The following SNX25 variants were observed in gnomAD, a reference collection of about 807,000 sequenced individuals.
SNX25 encodes sorting nexin 25.
SNX25 carries 62 observed loss-of-function variants against 113.7 expected under a neutral mutation model. The observed-to-expected ratio is 0.55, with a 90% confidence interval of 0.44 to 0.67. The LOEUF (loss-of-function observed/expected upper bound fraction) is 0.67. SNX25 is among the 30% of genes least tolerant of loss of function. The pLI is 0.00. For missense variants in SNX25, 1,014 were observed against 1,161.0 expected (o/e 0.87, Z 1.84); for synonymous variants, 421 against 436.2 (o/e 0.97, Z 0.43).
intron 1 of SNX25, among the ~76,000 whole-genome samples, chr4:185,211,469 C>CT (rs1020269759): frequency 6.6e-6 from 1 of 152,136 alleles, no homozygotes; most frequent in Non-Finnish European, 1.5e-5. Context: ...TGTCTCTCCT[C>CT]TTTTTTTCTA....
chr4:185,320,090 C>T (rs1579774053), intron 7 of SNX25, among the ~76,000 whole-genome samples: 2 of 152,260 alleles, frequency 1.3e-5, no homozygotes, highest in East Asian at 3.9e-4. Flanking sequence ...AATCTAAAAC[C>T]AGAAACACCA....
rs995963170 is a variant in SNX25 at position 185,335,003 on chromosome 4, T to C, written c.1914+2244T>C. ...TCCTTTTGTCGTTTACTTATGTTGGTAAAAAATTAATAATTTTTTTAAAAA... is the reference window on the plus strand; with the variant it reads ...TCCTTTTGTCGTTTACTTATGTTGGCAAAAAATTAATAATTTTTTTAAAAA... On this transcript the variant is annotated intron_variant, in intron 10 of 18. Coordinates refer to ENST00000652585, the MANE Select transcript of SNX25 (RefSeq NM_001378034.2). 9.9e-5 allele frequency among the ~76,000 whole-genome samples: 15 copies of C among 152,246 alleles called. No individual in the cohort carries two copies. In the East Asian group the frequency reaches 2.9e-3, roughly 29 times the overall value.
chr4:185,264,440 A>C lies in SNX25; in HGVS notation c.734A>C (p.His245Pro). ...FCDLKAANAR[H>P]EEQPRPFVLH... Reference sequence around the variant, plus strand: ...TCTTTTTCACTCTCTTTATTTAGACATGAAGAACAGCCAAGACCTTTTGTG... The same window carrying C: ...TCTTTTTCACTCTCTTTATTTAGACCTGAAGAACAGCCAAGACCTTTTGTG... The change falls in exon 4 of 19, where the codon CAT (histidine) becomes CCT (proline). Residue 245 changes from histidine to proline, a missense_variant and splice_region_variant. Transcript: ENST00000652585. 6.2e-7 allele frequency: 1 copy of C among 1,612,362 alleles called. No individual in the cohort carries two copies. The highest frequency in any genetic ancestry group is 1.1e-5 in the South Asian group (1 of 90,956).
intron 1 of SNX25, among the ~76,000 whole-genome samples, chr4:185,231,847 G>T (rs1741926076): frequency 6.6e-6 from 1 of 152,134 alleles, no homozygotes; most frequent in South Asian, 2.1e-4. Context: ...TCAATTAAAA[G>T]GGATATAAAA....
intron 1 of SNX25, among the ~76,000 whole-genome samples, chr4:185,246,358 C>T (rs1156879920): frequency 1.3e-5 from 2 of 152,092 alleles, no homozygotes; most frequent in South Asian, 4.1e-4. Context: ...ATAGATATTT[C>T]CCCCAACAAT....
At chr4:185,268,984 C>T (rs1429926960) in intron 5 of SNX25, among the ~76,000 whole-genome samples, 1 of 152,172 alleles carries the variant, frequency 6.6e-6, no homozygotes, top group East Asian at 1.9e-4. Context: ...TAATGTTTCT[C>T]TTGCCATGCA....
At chr4:185,249,518 G>A (rs1220972318) in intron 2 of SNX25, among the ~76,000 whole-genome samples, 1 of 152,112 alleles carries the variant, frequency 6.6e-6, no homozygotes, top group East Asian at 1.9e-4. Flanking sequence ...TTTGTTAGAT[G>A]TAGATACAGA....
rs181211955 is a variant in SNX25 at position 185,239,164 on chromosome 4, C to G, written c.430-8130C>G. Among the ~76,000 whole-genome samples the G allele has an allele frequency of 1.8e-3, 277 of 152,270 alleles. 3 individuals carry two copies. The highest frequency in any genetic ancestry group is 6.1e-3 in the African/African-American group (254 of 41,532). ...GATAAAACGTACATGCTTTTTCATG[C>G]TGAGGATCTGTCACATATATTAGAG... is the stretch of plus-strand genomic sequence containing the variant. On this transcript the variant is annotated intron_variant, in intron 1 of 18. Coordinates refer to ENST00000652585, the MANE Select transcript of SNX25 (RefSeq NM_001378034.2).
chr4:185,257,082 G>A (rs1746555296), intron 2 of SNX25, among the ~76,000 whole-genome samples: 1 of 149,974 alleles, frequency 6.7e-6, no homozygotes, highest in Admixed American at 6.7e-5. Flanking sequence ...CAGGGATAAA[G>A]TAGTGTGCAG....
At chr4:185,375,802 T>C in the SNX25 span, 4 of 846,234 alleles carry the variant, frequency 4.7e-6, no homozygotes, top group Non-Finnish European at 7.3e-6. Flanking sequence ...AGTGGTCAAG[T>C]GTTTGTGCCC....
chr4:185,298,751 C>G (rs111850738), intron 6 of SNX25, among the ~76,000 whole-genome samples: 1 of 152,102 alleles, frequency 6.6e-6, no homozygotes. Context: ...ACCCTACTCT[C>G]GATATCACTC....
At chr4:185,353,652 T>C in intron 15 of SNX25, 50 bp downstream of exon 15, 1 of 1,368,998 alleles carries the variant, frequency 7.3e-7, no homozygotes, top group Non-Finnish European at 1.0e-6. Flanking sequence ...AAGTGGTATA[T>C]ATAATCGTAC....
At chr4:185,251,857 G>A (rs1745715742) in intron 2 of SNX25, among the ~76,000 whole-genome samples, 1 of 151,782 alleles carries the variant, frequency 6.6e-6, no homozygotes, top group African/African-American at 2.4e-5. Flanking sequence ...GGCTTACTTG[G>A]CAAAAACATT....
intron 1 of SNX25, among the ~76,000 whole-genome samples, chr4:185,245,237 A>G (rs1349193487): frequency 2.8e-5 from 3 of 107,150 alleles, no homozygotes; most frequent in African/African-American, 1.2e-4. Flanking sequence ...TTACGGTGAT[A>G]TGTGATCAAG....
At chr4:185,359,370 C>T (rs1179645156) in intron 16 of SNX25, among the ~76,000 whole-genome samples, 3 of 151,916 alleles carry the variant, frequency 2.0e-5, no homozygotes, top group African/African-American at 4.8e-5. Context: ...AGTTGCCCGT[C>T]AGAGGCTTGT....
At position 185,258,956 on chromosome 4, in the gene SNX25, G is replaced by T; in HGVS notation, c.623G>T (p.Arg208Ile). The change falls in exon 3 of 19, where the codon AGA (arginine) becomes ATA (isoleucine). Residue 208 changes from arginine to isoleucine, a missense_variant. Arg to Ile is a moderately conservative substitution (Grantham distance 97). Coordinates refer to ENST00000652585, the MANE Select transcript of SNX25 (RefSeq NM_001378034.2). The part of the protein sequence containing the change: ...LLLEDFWEIA[R>I]QLHHRLSHVD... ...TTGGAAGACTTTTGGGAAATTGCCA[G>T]ACAGCTGCACCACAGACTGAGTCAC... is the stretch of plus-strand genomic sequence containing the variant. 6.2e-7 allele frequency: 1 copy of T among 1,614,174 alleles called. No homozygotes were observed. The highest frequency in any genetic ancestry group is 8.5e-7 in the Non-Finnish European group (1 of 1,180,018).
At chr4:185,292,822 G>C (rs1415233136) in intron 6 of SNX25, among the ~76,000 whole-genome samples, 1 of 152,158 alleles carries the variant, frequency 6.6e-6, no homozygotes, top group Non-Finnish European at 1.5e-5. Flanking sequence ...GGCTGAGCTG[G>C]GAGGATTGCT....
At chr4:185,214,743 C>T (rs1243457344) in intron 1 of SNX25, among the ~76,000 whole-genome samples, 3 of 152,338 alleles carry the variant, frequency 2.0e-5, no homozygotes, top group Middle Eastern at 3.4e-3. Flanking sequence ...CTACCTACCT[C>T]ATATTTCTGA....
At chr4:185,257,362 C>T (rs1746606124) in intron 2 of SNX25, among the ~76,000 whole-genome samples, 1 of 152,098 alleles carries the variant, frequency 6.6e-6, no homozygotes, top group Admixed American at 6.5e-5. Flanking sequence ...ATCACACTGG[C>T]TTCACCTTCT....
Sources: gnomAD v4.1 joint callset for allele counts (sites outside exome capture counted in the v4.1 genomes callset) on GRCh38, gnomAD v4.1.1 for gene constraint, MANE v1.5 for transcripts, NCBI Gene and HGNC (gene_info 2026-07-23, HGNC 2026-07-21) for gene names.